The following POT1 variants were observed in gnomAD, a reference collection of about 807,000 sequenced individuals.
The protein encoded by POT1 is protection of telomeres 1, also known as protection of telomeres protein 1.
Under a neutral mutation model 78.5 loss-of-function variants are expected in POT1, and 47 were observed. The ratio of observed to expected loss-of-function variants is 0.60; its 90% CI spans 0.47 to 0.76. POT1 has a LOEUF of 0.76. Ranked by LOEUF, POT1 falls within the 30% of genes least tolerant of loss-of-function variation. The pLI is 0.00. For missense variants in POT1, 646 were observed against 749.9 expected (o/e 0.86, Z 1.62); for synonymous variants, 259 against 260.7 (o/e 0.99, Z 0.06).
intron 3 of POT1, among the ~76,000 whole-genome samples, chr7:124,906,110 ACCATTTGAC>A (rs1796759345): frequency 6.6e-6 from 1 of 152,120 alleles, no homozygotes; most frequent in African/African-American, 2.4e-5. Context: ...ACTAGAAAAC[ACCATTTGAC>A]CCAGCCATCC....
At chr7:124,858,703 C>T (rs1020162613) in intron 9 of POT1, 47 of 241,612 alleles carry the variant, frequency 1.9e-4, no homozygotes, top group Non-Finnish European at 2.7e-4. Context: ...TTTTTCTATA[C>T]TATTTTCACA....
chr7:124,864,658 T>C (rs1795677765), intron 7 of POT1, among the ~76,000 whole-genome samples: 1 of 152,192 alleles, frequency 6.6e-6, no homozygotes, highest in Non-Finnish European at 1.5e-5. Flanking sequence ...CTTTCTACTT[T>C]CCATTTCATA....
intron 14 of POT1, chr7:124,837,272 C>A: frequency 5.5e-6 from 1 of 181,394 alleles, no homozygotes; most frequent in Non-Finnish European, 1.2e-5. Flanking sequence ...GACACATAGT[C>A]TATTCAGTAA....
chr7:124,844,126 GTTT>G (rs34848715), intron 12 of POT1, among the ~76,000 whole-genome samples: 2 of 127,206 alleles, frequency 1.6e-5, no homozygotes, highest in Non-Finnish European at 3.3e-5. Context: ...GGCGATTGTG[GTTT>G]TTTTTTTTTT....
At chr7:124,853,426 GTGAAAAAA>G (rs1346891587) in intron 9 of POT1, 1 of 211,266 alleles carries the variant, frequency 4.7e-6, no homozygotes, top group Non-Finnish European at 9.3e-6. Flanking sequence ...CTATTAAAAT[GTGAAAAAA>G]TATTGTGTCT....
intron 6 of POT1, among the ~76,000 whole-genome samples, chr7:124,885,804 A>T (rs949858670): frequency 6.9e-6 from 1 of 144,508 alleles, no homozygotes; most frequent in South Asian, 2.2e-4. Flanking sequence ...ATAAAATCAT[A>T]TAAAATAAAT....
rs187711806 is a variant in POT1 at position 124,906,895 on chromosome 7, T to C, written c.-153-8521A>G. On this transcript the variant is annotated intron_variant, in intron 3 of 18. Transcript: ENST00000357628. ...GAGGATAAGAAAAATATATAACAGA[T>C]AATAGTAGTTTGTATAAACACTCAT... Among the ~76,000 whole-genome samples the C allele has an allele frequency of 3.5e-3, 540 of 152,114 alleles. 6 individuals are homozygous for C. Among genetic ancestry groups the C allele is most frequent in the African/African-American group, 0.012 (488 of 41,524 alleles).
chr7:124,848,650 G>T (rs540951121), intron 11 of POT1: 1 of 176,314 alleles, frequency 5.7e-6, no homozygotes, highest in Non-Finnish European at 1.2e-5. Context: ...AGGACGAAGC[G>T]AGACTCCATC....
At chr7:124,896,512 G>A (rs962243712) in intron 5 of POT1, among the ~76,000 whole-genome samples, 3 of 151,550 alleles carry the variant, frequency 2.0e-5, no homozygotes, top group Non-Finnish European at 4.4e-5. Flanking sequence ...ACCAGAAACA[G>A]TTCCTGAATT....
chr7:124,919,889 T>C (rs752902768), intron 2 of POT1, among the ~76,000 whole-genome samples: 2 of 152,184 alleles, frequency 1.3e-5, no homozygotes, highest in Non-Finnish European at 2.9e-5. Context: ...GTTATGTACC[T>C]GTCCCTGCCC....
chr7:124,842,725 C>A, intron 13 of POT1, 82 bp downstream of exon 13: 2 of 1,172,264 alleles, frequency 1.7e-6, no homozygotes, highest in East Asian at 2.8e-5. Flanking sequence ...TTTACTTATT[C>A]CTAAGACACA....
intron 6 of POT1, among the ~76,000 whole-genome samples, chr7:124,883,460 A>G (rs1347499852): frequency 1.3e-5 from 2 of 152,108 alleles, no homozygotes; most frequent in South Asian, 2.1e-4. Flanking sequence ...CCCATGTCAT[A>G]TTATCTGGCA....
At chr7:124,905,728 A>C (rs1033808062) in intron 3 of POT1, among the ~76,000 whole-genome samples, 5 of 152,212 alleles carry the variant, frequency 3.3e-5, no homozygotes, top group Admixed American at 2.0e-4. Flanking sequence ...TATTTTTGCA[A>C]TCTACTCATC....
In POT1 at chr7:124,858,946, C is replaced by T. The variant is rs1795512864; in HGVS notation, c.702+11G>A. On this transcript the variant is annotated intron_variant, in intron 9 of 18. Transcript: ENST00000357628. ...AAACATAAAATAACATTTTTTCCTA[C>T]TATACATCACCTTCAGAGATCTTGC... 5 of 1,565,150 alleles carry T rather than the reference C, an allele frequency of 3.2e-6. No homozygotes were observed. The highest frequency in any genetic ancestry group is 4.3e-6 in the Non-Finnish European group (5 of 1,153,966).
chr7:124,925,182 G>T (rs1797245007), intron 2 of POT1, among the ~76,000 whole-genome samples: 1 of 151,946 alleles, frequency 6.6e-6, no homozygotes, highest in South Asian at 2.1e-4. Flanking sequence ...TATCATAGTT[G>T]GCTAATGATA....
At chr7:124,877,675 T>C (rs1317230818) in intron 6 of POT1, among the ~76,000 whole-genome samples, 1 of 150,900 alleles carries the variant, frequency 6.6e-6, no homozygotes, top group Non-Finnish European at 1.5e-5. Flanking sequence ...TACTAAAAAA[T>C]ACAAAAATTT....
intron 3 of POT1, chr7:124,900,777 G>A (rs1275512239): frequency 2.8e-6 from 1 of 355,866 alleles, no homozygotes; most frequent in Non-Finnish European, 5.8e-6. Context: ...TCAGTACCTG[G>A]AACATCGGGA....
chr7:124,919,973 T>A (rs1359992324), intron 2 of POT1, among the ~76,000 whole-genome samples: 1 of 132,190 alleles, frequency 7.6e-6, no homozygotes, highest in African/African-American at 2.8e-5. Flanking sequence ...CAATAAGTAA[T>A]ATACTACCTA....
intron 2 of POT1, among the ~76,000 whole-genome samples, chr7:124,917,811 A>C (rs1219521225): frequency 1.3e-5 from 2 of 152,220 alleles, no homozygotes; most frequent in Non-Finnish European, 2.9e-5. Context: ...CAATGAAAAG[A>C]GAGCAAAAAG....
Sources: gnomAD v4.1 joint callset for allele counts (sites outside exome capture counted in the v4.1 genomes callset) on GRCh38, gnomAD v4.1.1 for gene constraint, MANE v1.5 for transcripts, NCBI Gene and HGNC (gene_info 2026-07-23, HGNC 2026-07-21) for gene names.